OXCT1: variants seen among roughly 807,000 people sequenced by gnomAD.
OXCT1 encodes the protein 3-oxoacid CoA-transferase 1.
A neutral mutation model predicts 69.6 loss-of-function variants in OXCT1; 27 were observed. The ratio of observed to expected loss-of-function variants is 0.39; its 90% CI spans 0.29 to 0.54. OXCT1 has a LOEUF of 0.54. Ranked by LOEUF, OXCT1 falls within the 20% of genes least tolerant of loss-of-function variation. The pLI is 0.72. For missense variants in OXCT1, 437 were observed against 650.2 expected, an observed-to-expected ratio of 0.67 and a Z score of 3.57; for synonymous variants, 202 against 217.8, an observed-to-expected ratio of 0.93 and a Z score of 0.64.
Position 41,802,697 on chromosome 5 carries a change from C to A in OXCT1, c.1050+372G>T, listed in dbSNP as rs149434623. On this transcript the variant is annotated intron_variant, in intron 10 of 16. Coordinates refer to ENST00000196371, the MANE Select transcript of OXCT1 (RefSeq NM_000436.4). ...ACAGAAGGATGAGAAATAGTTTACA[C>A]AGGAAATCATGAGGTCTCTCTGAAT... is the stretch of plus-strand genomic sequence containing the variant. 8.2e-3 allele frequency among the ~76,000 whole-genome samples: 1,251 copies of A among 152,192 alleles called. 20 individuals are homozygous for A. The highest frequency in any genetic ancestry group is 0.029 in the African/African-American group (1,203 of 41,546).
At chr5:41,800,372 A>T (rs1746366285) in intron 11 of OXCT1, among the ~76,000 whole-genome samples, 1 of 151,898 alleles carries the variant, frequency 6.6e-6, no homozygotes, top group Admixed American at 6.6e-5. Context: ...ACCCCAGTGT[A>T]CCAGATCTTT....
intron 13 of OXCT1, among the ~76,000 whole-genome samples, chr5:41,775,884 C>T (rs1745098967): frequency 6.6e-6 from 1 of 152,080 alleles, no homozygotes; most frequent in African/African-American, 2.4e-5. Flanking sequence ...AAATATATTC[C>T]TTATCACAGT....
At chr5:41,794,522 G>T in intron 12 of OXCT1, 155 bp downstream of exon 12, 1 of 693,134 alleles carries the variant, frequency 1.4e-6, no homozygotes, top group Non-Finnish European at 2.5e-6. Context: ...CCCAACATTC[G>T]ATGTGAATAA....
At chr5:41,835,500 T>G (rs1748309349) in intron 7 of OXCT1, among the ~76,000 whole-genome samples, 1 of 152,258 alleles carries the variant, frequency 6.6e-6, no homozygotes, top group Admixed American at 6.5e-5. Flanking sequence ...TTAGATGGGT[T>G]CACCGATATT....
chr5:41,852,212 GT>G (rs767169165), intron 4 of OXCT1, among the ~76,000 whole-genome samples: 1 of 151,786 alleles, frequency 6.6e-6, no homozygotes, highest in Non-Finnish European at 1.5e-5. Flanking sequence ...TTTTGTTTTT[GT>G]TTTTTCAAAA....
intron 13 of OXCT1, among the ~76,000 whole-genome samples, chr5:41,786,610 C>G (rs1157802016): frequency 6.6e-6 from 1 of 152,204 alleles, no homozygotes; most frequent in East Asian, 1.9e-4. Context: ...CACTTAAGAG[C>G]TGTTTATTTT....
At chr5:41,801,859 T>C (rs1051202854) in intron 10 of OXCT1, among the ~76,000 whole-genome samples, 2 of 152,008 alleles carry the variant, frequency 1.3e-5, no homozygotes, top group African/African-American at 2.4e-5. Flanking sequence ...ATATCACATA[T>C]ATTCGATGAA....
At chr5:41,866,605 A>C (rs950396261) in intron 1 of OXCT1, among the ~76,000 whole-genome samples, 1 of 152,252 alleles carries the variant, frequency 6.6e-6, no homozygotes, top group Non-Finnish European at 1.5e-5. Context: ...AAAATACTTT[A>C]GCTGTCCAGA....
intron 16 of OXCT1, among the ~76,000 whole-genome samples, chr5:41,738,863 C>T (rs1039870424): frequency 6.6e-6 from 1 of 152,124 alleles, no homozygotes; most frequent in African/African-American, 2.4e-5. Context: ...GTTTTATGTA[C>T]TTATCTTCAA....
intron 16 of OXCT1, 116 bp from the exon 17 acceptor site, chr5:41,731,886 C>T: frequency 8.3e-7 from 1 of 1,201,140 alleles, no homozygotes; most frequent in Non-Finnish European, 1.2e-6. Context: ...CATGGACATT[C>T]CCTGGAGTTT....
At chr5:41,801,129 A>G in intron 10 of OXCT1, 59 bp from the exon 11 acceptor site, 1 of 1,258,366 alleles carries the variant, frequency 7.9e-7, no homozygotes, top group Non-Finnish European at 1.2e-6. Flanking sequence ...ATCACATATT[A>G]GAACTATAAT....
Position 41,747,348 on chromosome 5 carries a change from C to G in OXCT1, c.1419+2179G>C, listed in dbSNP as rs529589630. ...CAGAAGGTCCTTGTTGGCTTTCTAA[C>G]TTATGAAATTCCTACTGCTCTTTCG... is the stretch of plus-strand genomic sequence containing the variant. On this transcript the variant is annotated intron_variant, in intron 15 of 16. Transcript: ENST00000196371. 3.3e-5 allele frequency among the ~76,000 whole-genome samples: 5 copies of G among 152,218 alleles called. No individual in the cohort carries two copies. In the South Asian group the frequency reaches 1.0e-3, roughly 32 times the overall value.
intron 6 of OXCT1, among the ~76,000 whole-genome samples, 197 bp downstream of exon 6, chr5:41,842,478 T>C (rs17847285): frequency 0.014 from 2,159 of 152,274 alleles, 100 homozygotes; most frequent in South Asian, 0.079. Context: ...CAGTGCAACA[T>C]AGATATCGAC....
chr5:41,826,857 C>T (rs750150550), intron 7 of OXCT1, among the ~76,000 whole-genome samples: 15 of 152,120 alleles, frequency 9.9e-5, no homozygotes, highest in Admixed American at 2.0e-4. Context: ...CAATCCTAAG[C>T]GAGCTCTTGA....
chr5:41,750,829 A>G (rs1175240110), intron 14 of OXCT1, among the ~76,000 whole-genome samples: 1 of 152,116 alleles, frequency 6.6e-6, no homozygotes, highest in East Asian at 1.9e-4. Flanking sequence ...AGTTCAGGGA[A>G]TAAAAGACAT....
chr5:41,790,161 G>A (rs918169500), intron 13 of OXCT1, among the ~76,000 whole-genome samples: 18 of 152,146 alleles, frequency 1.2e-4, no homozygotes, highest in African/African-American at 2.7e-4. Context: ...TGCCACTCAC[G>A]TACTGCAGCC....
intron 15 of OXCT1, among the ~76,000 whole-genome samples, chr5:41,748,491 C>G (rs1453108291): frequency 1.3e-5 from 2 of 152,062 alleles, no homozygotes; most frequent in Non-Finnish European, 2.9e-5. Flanking sequence ...AATCCCTGTT[C>G]ATAGTTTTAG....
chr5:41,800,100 G>T (rs115976958), intron 11 of OXCT1, among the ~76,000 whole-genome samples: 1 of 152,108 alleles, frequency 6.6e-6, no homozygotes, highest in African/African-American at 2.4e-5. Flanking sequence ...CATAGGCAGT[G>T]AAGATGGCCA....
chr5:41,845,714 G>A (rs1579864533), intron 5 of OXCT1, among the ~76,000 whole-genome samples: 1 of 152,134 alleles, frequency 6.6e-6, no homozygotes, highest in African/African-American at 2.4e-5. Context: ...TTTTCACGAG[G>A]TGAATTAATT....
Sources: gnomAD v4.1 joint callset for allele counts (sites outside exome capture counted in the v4.1 genomes callset) on GRCh38, gnomAD v4.1.1 for gene constraint, MANE v1.5 for transcripts, NCBI Gene and HGNC (gene_info 2026-07-23, HGNC 2026-07-21) for gene names.